Variants in GALNT13 observed in about 807,000 individuals in gnomAD.
The protein encoded by GALNT13 is UDP-GalNAc:polypeptide N-acetylgalactosaminyltransferase 13.
Under a neutral mutation model 64.2 loss-of-function variants are expected in GALNT13, and 28 were observed. That is an observed-to-expected ratio of 0.44 (90% CI 0.32 to 0.60). The LOEUF is 0.60. GALNT13 is among the 20% of genes least tolerant of loss of function. GALNT13 has a pLI of 0.05. For synonymous variants in GALNT13, 214 were observed against 224.6 expected (o/e 0.95, Z 0.42); for missense variants, 577 against 669.8 (o/e 0.86, Z 1.53).
chr2:153,100,684 T>G, the GALNT13 span, among the ~76,000 whole-genome samples: 16 of 152,144 alleles, frequency 1.1e-4, no homozygotes, highest in African/African-American at 3.9e-4. Context: ...TTAACAAAAT[T>G]GAAAGACAGG....
chr2:153,987,901 T>A (rs374181288), intron 3 of GALNT13, among the ~76,000 whole-genome samples: 1 of 151,938 alleles, frequency 6.6e-6, no homozygotes, highest in Non-Finnish European at 1.5e-5. Flanking sequence ...TAAAAATAGT[T>A]GCAATATTAA....
intron 9 of GALNT13, among the ~76,000 whole-genome samples, chr2:154,313,443 C>G (rs1694161400): frequency 6.7e-6 from 1 of 149,458 alleles, no homozygotes; most frequent in South Asian, 2.1e-4. Context: ...TATATACACA[C>G]ACACACAATA....
the GALNT13 span, among the ~76,000 whole-genome samples, chr2:153,450,765 T>C: frequency 6.6e-6 from 1 of 152,178 alleles, no homozygotes; most frequent in African/African-American, 2.4e-5. Context: ...GTCCCTCTTA[T>C]GTAATAGTAG....
the GALNT13 span, among the ~76,000 whole-genome samples, chr2:153,553,142 T>A: frequency 5.3e-5 from 8 of 152,208 alleles, no homozygotes; most frequent in African/African-American, 1.9e-4. Flanking sequence ...GAGTAGGATG[T>A]CAGAAACTAA....
chr2:153,772,582 A>T, the GALNT13 span, among the ~76,000 whole-genome samples: 1 of 152,212 alleles, frequency 6.6e-6, no homozygotes, highest in Non-Finnish European at 1.5e-5. Context: ...AAGCTCAAAG[A>T]GTTTATCTTT....
At chr2:154,269,151 G>C (rs537708696) in intron 8 of GALNT13, among the ~76,000 whole-genome samples, 1 of 152,186 alleles carries the variant, frequency 6.6e-6, no homozygotes, top group African/African-American at 2.4e-5. Flanking sequence ...CCATTGAACA[G>C]AATAGTATGG....
chr2:153,921,385 A>G (rs970966006), intron 2 of GALNT13, among the ~76,000 whole-genome samples: 3 of 152,188 alleles, frequency 2.0e-5, no homozygotes, highest in Admixed American at 6.6e-5. Context: ...CAAATACTGC[A>G]TTCTCTCATT....
chr2:153,753,986 G>T, the GALNT13 span, among the ~76,000 whole-genome samples: 451 of 152,312 alleles, frequency 3.0e-3, 4 homozygotes, highest in African/African-American at 0.01. Flanking sequence ...TCGCCTCATG[G>T]CCTATGCCAC....
the GALNT13 span, among the ~76,000 whole-genome samples, chr2:153,709,196 CA>C: frequency 1.8e-3 from 266 of 151,982 alleles, 1 homozygote; most frequent in African/African-American, 5.4e-3. Context: ...AAACAATTTA[CA>C]AATTGGGAGA....
intron 10 of GALNT13, among the ~76,000 whole-genome samples, chr2:154,401,631 A>C (rs1699307972): frequency 6.6e-6 from 1 of 152,280 alleles, no homozygotes; most frequent in Non-Finnish European, 1.5e-5. Context: ...CTAATAAACT[A>C]AAATTCATTC....
the GALNT13 span, among the ~76,000 whole-genome samples, chr2:153,414,199 C>A: frequency 2.0e-5 from 3 of 151,786 alleles, no homozygotes; most frequent in African/African-American, 7.3e-5. Flanking sequence ...CATGGTGAAA[C>A]CCCGTCTCTA....
At chr2:153,996,226 T>A (rs1346809063) in intron 3 of GALNT13, among the ~76,000 whole-genome samples, 1 of 152,180 alleles carries the variant, frequency 6.6e-6, no homozygotes, top group Non-Finnish European at 1.5e-5. Flanking sequence ...AGTAGTTCCA[T>A]GTTTAATTTT....
At chr2:154,281,546 A>C (rs1399372717) in intron 8 of GALNT13, among the ~76,000 whole-genome samples, 1 of 152,222 alleles carries the variant, frequency 6.6e-6, no homozygotes, top group Non-Finnish European at 1.5e-5. Context: ...AAAAAGTGAC[A>C]GTAGATTGTA....
the GALNT13 span, among the ~76,000 whole-genome samples, chr2:153,547,079 G>C: frequency 3.3e-5 from 5 of 152,226 alleles, no homozygotes; most frequent in African/African-American, 1.2e-4. Context: ...CAAGATGGAT[G>C]AAGTAGAATG....
chr2:153,094,588 T>G, the GALNT13 span, among the ~76,000 whole-genome samples: 2 of 152,222 alleles, frequency 1.3e-5, no homozygotes, highest in African/African-American at 4.8e-5. Context: ...AAGACAATCC[T>G]AAGCCAAAAG....
chr2:154,305,074 A>G (rs1693656280), intron 9 of GALNT13, among the ~76,000 whole-genome samples: 1 of 152,256 alleles, frequency 6.6e-6, no homozygotes, highest in Non-Finnish European at 1.5e-5. Flanking sequence ...AGCCCTGGGA[A>G]GATTTCAGAT....
intron 3 of GALNT13, among the ~76,000 whole-genome samples, chr2:154,074,118 A>G (rs562354350): frequency 1.6e-4 from 25 of 152,018 alleles, no homozygotes; most frequent in Non-Finnish European, 2.4e-4. Context: ...GTGTTTATAG[A>G]TGTAGCCCAA....
the GALNT13 span, among the ~76,000 whole-genome samples, chr2:153,210,063 C>A: frequency 1.3e-5 from 2 of 152,060 alleles, no homozygotes; most frequent in Non-Finnish European, 2.9e-5. Context: ...ACTAAACTCA[C>A]TGGTAGCTTG....
chr2:153,626,722 G>A, the GALNT13 span, among the ~76,000 whole-genome samples: 3 of 152,066 alleles, frequency 2.0e-5, no homozygotes, highest in Non-Finnish European at 2.9e-5. Flanking sequence ...GTTTCAGCAT[G>A]CACCCAGTTT....
Sources: allele counts gnomAD v4.1 joint callset (sites outside exome capture counted in the v4.1 genomes callset), GRCh38; gene constraint gnomAD v4.1.1; transcripts MANE v1.5; gene names NCBI Gene and HGNC (gene_info 2026-07-23, HGNC 2026-07-21).